Variants in AMTN observed in about 807,000 individuals in gnomAD.
The protein encoded by AMTN is RSTI689.
A neutral mutation model predicts 27.4 loss-of-function variants in AMTN; 29 were observed. That is an observed-to-expected ratio of 1.06 (90% CI 0.79 to 1.44). The LOEUF (loss-of-function observed/expected upper bound fraction) is 1.44. AMTN is among the 40% of genes most tolerant of loss of function. The probability of loss-of-function intolerance (pLI) is 0.00; values close to 1 mark genes in which losing one functional copy is unlikely to be tolerated. For synonymous variants in AMTN, 86 were observed against 95.7 expected (o/e 0.90, Z 0.59); for missense variants, 247 against 248.8 (o/e 0.99, Z 0.05).
At chr4:70,520,603 T>C (rs986422597) in intron 2 of AMTN, among the ~76,000 whole-genome samples, 1 of 152,230 alleles carries the variant, frequency 6.6e-6, no homozygotes, top group Non-Finnish European at 1.5e-5. Context: ...GGATTTATCT[T>C]TTTGAGATGG....
chr4:70,529,271 C>G (rs1443606397), intron 7 of AMTN, 61 bp downstream of exon 7: 2 of 1,255,548 alleles, frequency 1.6e-6, no homozygotes, highest in African/African-American at 3.1e-5. Flanking sequence ...GTTTTCTGTC[C>G]TCATATAGTC....
At chr4:70,526,103 A>G (rs1350683008) in intron 5 of AMTN, among the ~76,000 whole-genome samples, 1 of 152,120 alleles carries the variant, frequency 6.6e-6, no homozygotes. Flanking sequence ...AGGAAATGTA[A>G]ATTTTCTAAA....
rs1736009861 is a variant in AMTN, at chr4:70,522,807, G to A, written c.107G>A (p.Gly36Glu). ...CCCACAAAACTGGCTCCGGATCAGG[G>A]AACACTACCAAACCAACAGCAGTCA... ...LPPTKLAPDQGTLPNQQQSNQ... is the reference protein window; with the variant it reads ...LPPTKLAPDQETLPNQQQSNQ... The change falls in exon 3 of 9, where the codon GGA becomes GAA. Residue 36 changes from glycine to glutamate, a missense_variant. Gly to Glu is a moderately conservative substitution (Grantham distance 98, BLOSUM62 -2). Coordinates refer to ENST00000339336, the MANE Select transcript of AMTN (RefSeq NM_212557.4). The A allele has an allele frequency of 6.2e-7, 1 of 1,613,990 alleles. No individual in the cohort carries two copies. Among genetic ancestry groups the A allele is most frequent in the Non-Finnish European group, 8.5e-7 (1 of 1,179,910 alleles).
In AMTN at chr4:70,523,866, A is replaced by G. The variant is rs201144112; in HGVS notation, c.139-2A>G. ...TCATACATCACTTTCAATCCCCTGCAGGTCTTTCCTTCTTTAAGTCTGATA... is the reference window on the plus strand; with the variant it reads ...TCATACATCACTTTCAATCCCCTGCGGGTCTTTCCTTCTTTAAGTCTGATA... On this transcript the variant is annotated splice_acceptor_variant, in intron 3 of 8. Coordinates refer to ENST00000339336, the MANE Select transcript of AMTN (RefSeq NM_212557.4). LOFTEE classifies it high-confidence loss of function. 6.2e-7 allele frequency: 1 copy of G among 1,613,200 alleles called. No homozygotes were observed. The highest frequency in any genetic ancestry group is 1.3e-5 in the African/African-American group (1 of 74,918).
chr4:70,522,500 C>G (rs1577932233), intron 2 of AMTN, among the ~76,000 whole-genome samples: 1 of 152,154 alleles, frequency 6.6e-6, no homozygotes, highest in Non-Finnish European at 1.5e-5. Context: ...GAGCCAGGAA[C>G]CACCACAAGA....
In AMTN at chr4:70,522,757, G is replaced by T; in HGVS notation, c.57G>T (p.Gln19His). The change falls in exon 3 of 9, where the codon CAG becomes CAT. Residue 19 changes from glutamine to histidine, a missense_variant and splice_region_variant. Coordinates refer to ENST00000339336, the MANE Select transcript of AMTN (RefSeq NM_212557.4). ...ATATGTATTTGTTTTCACAAAAGCAGCTCAAACCTGCTTTGGGACTCCCTC... is the reference window on the plus strand; with the variant it reads ...ATATGTATTTGTTTTCACAAAAGCATCTCAAACCTGCTTTGGGACTCCCTC... ...CLLGSTRSLP[Q>H]LKPALGLPPT... 1 of 1,613,936 alleles carries T rather than the reference G, an allele frequency of 6.2e-7. No homozygotes were observed. Among genetic ancestry groups the T allele is most frequent in the Non-Finnish European group, 8.5e-7 (1 of 1,179,850 alleles).
chr4:70,523,755 C>T, intron 3 of AMTN, 113 bp from the exon 4 acceptor site: 1 of 900,764 alleles, frequency 1.1e-6, no homozygotes, highest in South Asian at 1.6e-5. Flanking sequence ...TATTTACCTT[C>T]ATGGTAAACC....
rs1736011124 is a variant in AMTN at position 70,522,855 on chromosome 4, A to G, written c.138+17A>G. 2.5e-6 allele frequency: 4 copies of G among 1,609,792 alleles called. No homozygotes were observed. The highest frequency in any genetic ancestry group is 2.2e-5 in the South Asian group (2 of 90,984). ...TCAAATCAGGTAAGAGTCCTACAATATGGAACATGTACAAACCGGTAAAGA... is the reference window on the plus strand; with the variant it reads ...TCAAATCAGGTAAGAGTCCTACAATGTGGAACATGTACAAACCGGTAAAGA... On this transcript the variant is annotated intron_variant, in intron 3 of 8. Transcript: ENST00000339336.
At chr4:70,519,744 A>AT (rs1475647657) in intron 2 of AMTN, among the ~76,000 whole-genome samples, 1 of 151,434 alleles carries the variant, frequency 6.6e-6, no homozygotes, top group Non-Finnish European at 1.5e-5. Context: ...TCACTTGCCA[A>AT]TTTTTTTATT....
intron 2 of AMTN, among the ~76,000 whole-genome samples, chr4:70,521,875 C>A (rs1735978712): frequency 6.6e-6 from 1 of 152,028 alleles, no homozygotes; most frequent in Admixed American, 6.6e-5. Context: ...CCGCCTTGGC[C>A]TCCCAAAGTG....
chr4:70,524,027 T>A (rs1443878371), intron 4 of AMTN, 94 bp downstream of exon 4: 2 of 1,002,074 alleles, frequency 2.0e-6, no homozygotes, highest in African/African-American at 1.6e-5. Flanking sequence ...GGTGCGTATA[T>A]CCACAAATGA....
rs763143860 is a variant in AMTN at position 70,521,640 on chromosome 4, CTTTT to C, written c.55-1082_55-1079del. On this transcript the variant is annotated intron_variant, in intron 2 of 8. Transcript: ENST00000339336. ...CCTAGAACAGATAATACCAACCTCT[CTTTT>C]TTTTTTTTTTTTTTTTTTTTTTTTT... 3.0e-4 allele frequency among the ~76,000 whole-genome samples: 23 copies of C among 76,484 alleles called. 4 individuals are homozygous for C. Among genetic ancestry groups the C allele is most frequent in the East Asian group, 2.1e-3 (4 of 1,884 alleles). 50.2% of individuals were successfully genotyped at this position (76,484 alleles called of 152,430 possible).
chr4:70,518,735 G>A (rs1422862120), intron 1 of AMTN, 28 bp from the exon 2 acceptor site: 1 of 1,420,424 alleles, frequency 7.0e-7, no homozygotes, highest in Non-Finnish European at 9.9e-7. Context: ...AAAATACATG[G>A]AAGAGTAACA....
chr4:70,522,886 C>T (rs1023797373), intron 3 of AMTN, 48 bp downstream of exon 3: 25 of 1,559,286 alleles, frequency 1.6e-5, no homozygotes, highest in Non-Finnish European at 2.0e-5. Context: ...AAAGAAAATA[C>T]GGAACATGTA....
chr4:70,523,793 G>A, intron 3 of AMTN, 75 bp from the exon 4 acceptor site: 1 of 1,285,688 alleles, frequency 7.8e-7, no homozygotes, highest in Non-Finnish European at 1.1e-6. Flanking sequence ...TCAATTACAT[G>A]AGGATATCCA....
chr4:70,518,689 T>C (rs1458596948), intron 1 of AMTN, 35 bp downstream of exon 1: 2 of 1,063,724 alleles, frequency 1.9e-6, no homozygotes, highest in African/African-American at 3.1e-5. Flanking sequence ...AGTAGAACTT[T>C]TGTTTTTAAA....
intron 2 of AMTN, among the ~76,000 whole-genome samples, chr4:70,522,449 T>C (rs745730507): frequency 5.9e-5 from 9 of 152,106 alleles, no homozygotes; most frequent in Admixed American, 2.0e-4. Flanking sequence ...TATATATTCA[T>C]GTCCTGGCAA....
rs761694231 is a variant in AMTN, at chr4:70,531,253, A to T, written c.572A>T (p.Gln191Leu). Reference sequence around the variant, plus strand: ...GCAGTGACCACCCCTGCAGGCATCCAAAGGAGCACACATGCCATCGAGGAA... The same window carrying T: ...GCAGTGACCACCCCTGCAGGCATCCTAAGGAGCACACATGCCATCGAGGAA... ...DFAVTTPAGIQRSTHAIEEAT... is the reference protein window; with the variant it reads ...DFAVTTPAGILRSTHAIEEAT... The change falls in exon 8 of 9, where the codon CAA becomes CTA. Residue 191 changes from glutamine to leucine, a missense_variant. By Grantham distance (113) the Gln-to-Leu change is moderately radical (BLOSUM62 -2). Coordinates refer to ENST00000339336, the MANE Select transcript of AMTN (RefSeq NM_212557.4). 4 of 1,614,070 alleles carry T rather than the reference A, an allele frequency of 2.5e-6. No individual in the cohort carries two copies. Among genetic ancestry groups the T allele is most frequent in the Non-Finnish European group, 3.4e-6 (4 of 1,179,958 alleles).
At chr4:70,523,214 A>C (rs1474923632) in intron 3 of AMTN, among the ~76,000 whole-genome samples, 1 of 152,236 alleles carries the variant, frequency 6.6e-6, no homozygotes, top group Non-Finnish European at 1.5e-5. Context: ...AATAGCAGGG[A>C]ATCAGAGATG....
Sources: allele counts gnomAD v4.1 joint callset (sites outside exome capture counted in the v4.1 genomes callset), GRCh38; gene constraint gnomAD v4.1.1; transcripts MANE v1.5; gene names NCBI Gene and HGNC (gene_info 2026-07-23, HGNC 2026-07-21).